TSGA13: variants seen among roughly 807,000 people sequenced by gnomAD.
The protein encoded by TSGA13 is testis specific 13, also known as testis-specific gene 13 protein.
TSGA13 carries 37 observed loss-of-function variants against 35.1 expected under a neutral mutation model. The observed-to-expected ratio is 1.05, with a 90% CI of 0.81 to 1.39. The LOEUF (loss-of-function observed/expected upper bound fraction) is 1.39. TSGA13 is among the 40% of genes most tolerant of loss of function. The pLI is 0.00. For synonymous variants in TSGA13, 124 were observed against 121.2 expected (o/e 1.02, Z -0.15); for missense variants, 338 against 328.5 (o/e 1.03, Z -0.22).
chr7:130,685,805 G>A lies in TSGA13; in HGVS notation c.-150-445C>T, dbSNP rs59587718. The stretch of plus-strand genomic sequence containing the variant: ...GTGTGTGTATATATTGGGAATGGGA[G>A]GATTGCTATACTTTTTGATATAGAC... On this transcript the variant is annotated intron_variant, in intron 1 of 7. Transcript: ENST00000356588. 2.3e-3 allele frequency among the ~76,000 whole-genome samples: 355 copies of A among 152,222 alleles called. 2 individuals carry two copies. The highest frequency in any genetic ancestry group is 8.2e-3 in the African/African-American group (340 of 41,520).
At chr7:130,678,150 G>A (rs1398618819) in intron 5 of TSGA13, among the ~76,000 whole-genome samples, 6 of 152,002 alleles carry the variant, frequency 3.9e-5, no homozygotes, top group South Asian at 4.2e-4. Context: ...AGGCCAAGGC[G>A]GGTGGATCAC....
intron 1 of TSGA13, 98 bp downstream of exon 1, chr7:130,686,164 C>T (rs782142270): frequency 6.6e-6 from 1 of 152,020 alleles, no homozygotes; most frequent in Non-Finnish European, 1.5e-5. Flanking sequence ...CTAGACAAAC[C>T]CTAAAGATGA....
chr7:130,685,472 T>C (rs1294242638), intron 1 of TSGA13, 112 bp from the exon 2 acceptor site: 1 of 1,043,006 alleles, frequency 9.6e-7, no homozygotes, highest in African/African-American at 1.6e-5. Flanking sequence ...ACGGGGGAGG[T>C]GGGAGAAAGC....
intron 5 of TSGA13, among the ~76,000 whole-genome samples, chr7:130,675,289 T>A (rs1310885640): frequency 6.6e-6 from 1 of 150,882 alleles, no homozygotes; most frequent in Non-Finnish European, 1.5e-5. Flanking sequence ...CTTATTTACT[T>A]CTACTTCCTA....
intron 7 of TSGA13, 51 bp downstream of exon 7, chr7:130,671,610 C>A: frequency 6.7e-7 from 1 of 1,498,422 alleles, no homozygotes; most frequent in East Asian, 2.5e-5. Context: ...ATTGTATCTC[C>A]AGCCCAAATC....
At chr7:130,670,320 A>G (rs1554462775) in intron 7 of TSGA13, among the ~76,000 whole-genome samples, 1 of 152,116 alleles carries the variant, frequency 6.6e-6, no homozygotes, top group Non-Finnish European at 1.5e-5. Flanking sequence ...GACTATTTGG[A>G]CTGAGGATGG....
intron 7 of TSGA13, among the ~76,000 whole-genome samples, chr7:130,669,978 A>C (rs6942608): frequency 0.19 from 29,655 of 152,080 alleles, 3,079 homozygotes; most frequent in Middle Eastern, 0.25. Flanking sequence ...GACAGTGTAG[A>C]TAATAGGCCC....
intron 6 of TSGA13, 90 bp from the exon 7 acceptor site, chr7:130,671,878 T>G: frequency 1.2e-6 from 1 of 829,484 alleles, no homozygotes; most frequent in Admixed American, 5.4e-5. Context: ...TTATTTTATT[T>G]TATTTTATTT....
At chr7:130,669,245 A>C in intron 7 of TSGA13, 62 bp from the exon 8 acceptor site, 1 of 1,601,996 alleles carries the variant, frequency 6.2e-7, no homozygotes, top group South Asian at 1.1e-5. Context: ...AAGGATACTT[A>C]ATGTGAGATG....
intron 6 of TSGA13, 89 bp downstream of exon 6, chr7:130,672,645 A>G (rs1300782734): frequency 1.3e-6 from 2 of 1,524,934 alleles, no homozygotes; most frequent in East Asian, 4.6e-5. Flanking sequence ...ACCAAAGAAT[A>G]TGTCATTAAA....
chr7:130,676,047 T>G (rs1554464071), intron 5 of TSGA13, among the ~76,000 whole-genome samples: 1 of 152,234 alleles, frequency 6.6e-6, no homozygotes, highest in African/African-American at 2.4e-5. Flanking sequence ...GGGCTGTTAG[T>G]ATGACAATCA....
Position 130,676,971 on chromosome 7 carries a change from C to T in TSGA13, c.387+2184G>A, listed in dbSNP as rs564402322. On this transcript the variant is annotated intron_variant, in intron 5 of 7. Coordinates refer to ENST00000356588, the MANE Select transcript of TSGA13 (RefSeq NM_052933.4). ...GCAGTGGTGCGATCTCGGCTCACTG[C>T]GAGCTCCGCCTCCCACGTTCACTCC... is the stretch of plus-strand genomic sequence containing the variant. Among the ~76,000 whole-genome samples the T allele has an allele frequency of 1.1e-4, 17 of 151,748 alleles. No homozygotes were observed. The East Asian group carries it at 2.3e-3, about 21-fold the overall frequency.
chr7:130,669,294 T>TA (rs1438961519), intron 7 of TSGA13, 111 bp from the exon 8 acceptor site: 1 of 1,364,208 alleles, frequency 7.3e-7, no homozygotes, highest in African/African-American at 1.4e-5. Flanking sequence ...GGCTGGTCTT[T>TA]AGAGGGTAGA....
At chr7:130,677,319 T>C (rs530333204) in intron 5 of TSGA13, among the ~76,000 whole-genome samples, 61 of 152,348 alleles carry the variant, frequency 4.0e-4, no homozygotes, top group African/African-American at 1.4e-3. Context: ...TTCTGGGTTT[T>C]GTCTCTTCCA....
intron 2 of TSGA13, among the ~76,000 whole-genome samples, chr7:130,683,946 A>AT (rs1441638342): frequency 6.6e-6 from 1 of 152,226 alleles, no homozygotes; most frequent in Non-Finnish European, 1.5e-5. Flanking sequence ...TAAAATAAGG[A>AT]TTTTAGACCA....
intron 4 of TSGA13, among the ~76,000 whole-genome samples, chr7:130,680,667 TA>T (rs1340542284): frequency 1.3e-5 from 2 of 152,106 alleles, no homozygotes; most frequent in Non-Finnish European, 2.9e-5. Flanking sequence ...ATTACAAATA[TA>T]TTTTTTTCCT....
At chr7:130,685,403 T>C in intron 1 of TSGA13, 43 bp from the exon 2 acceptor site, 7 of 1,344,980 alleles carry the variant, frequency 5.2e-6, no homozygotes, top group Non-Finnish European at 6.7e-6. Flanking sequence ...CTATTGTAGA[T>C]GTAGAAAATG....
intron 2 of TSGA13, 113 bp downstream of exon 2, chr7:130,685,075 A>T: frequency 9.3e-7 from 1 of 1,071,480 alleles, no homozygotes. Flanking sequence ...CAATTAAAAT[A>T]TGTTTAATGA....
At chr7:130,676,689 A>T (rs1394075626) in intron 5 of TSGA13, among the ~76,000 whole-genome samples, 4 of 152,164 alleles carry the variant, frequency 2.6e-5, no homozygotes, top group Non-Finnish European at 5.9e-5. Flanking sequence ...AGAATCTCTC[A>T]CTGTCATCCA....
Sources: allele counts gnomAD v4.1 joint callset (sites outside exome capture counted in the v4.1 genomes callset), GRCh38; gene constraint gnomAD v4.1.1; transcripts MANE v1.5; gene names NCBI Gene and HGNC (gene_info 2026-07-23, HGNC 2026-07-21).